The following ACER3 variants were observed in gnomAD, a reference collection of about 807,000 sequenced individuals.
The protein encoded by ACER3 is alkaline ceramidase 3, also known as alkCDase 3.
Under a neutral mutation model 48.9 loss-of-function variants are expected in ACER3, and 16 were observed. The observed-to-expected ratio is 0.33, with a 90% CI of 0.22 to 0.50. The LOEUF (loss-of-function observed/expected upper bound fraction) is 0.50. Among genes scored for constraint, ACER3 ranks in the 20% least tolerant of loss-of-function variants. The pLI is 0.98. For synonymous variants in ACER3, 109 were observed against 107.8 expected (o/e 1.01, Z -0.07); for missense variants, 227 against 326.0 (o/e 0.70, Z 2.34).
At chr11:77,004,012 G>A (rs1474203624) in intron 7 of ACER3, among the ~76,000 whole-genome samples, 1 of 152,136 alleles carries the variant, frequency 6.6e-6, no homozygotes, top group Non-Finnish European at 1.5e-5. Flanking sequence ...TTCCATGTTT[G>A]TTTGAAAAGA....
intron 3 of ACER3, 174 bp downstream of exon 3, chr11:76,959,205 G>T: frequency 6.7e-7 from 1 of 1,491,828 alleles, no homozygotes; most frequent in Non-Finnish European, 8.9e-7. Flanking sequence ...AAGCAGGTGA[G>T]TCCATAAGGA....
intron 1 of ACER3, among the ~76,000 whole-genome samples, chr11:76,915,033 A>G (rs1286607758): frequency 1.3e-5 from 2 of 151,972 alleles, no homozygotes; most frequent in Admixed American, 6.6e-5. Flanking sequence ...AACATCACAC[A>G]CCGGGGACTG....
intron 7 of ACER3, among the ~76,000 whole-genome samples, chr11:77,014,104 A>G (rs182699048): frequency 4.6e-5 from 7 of 152,348 alleles, no homozygotes; most frequent in African/African-American, 1.7e-4. Context: ...CAATTTAAAT[A>G]TATTTAATAG....
At chr11:76,861,144 G>C (rs945404626) in intron 1 of ACER3, 65 bp downstream of exon 1, 81 of 1,456,070 alleles carry the variant, frequency 5.6e-5, no homozygotes, top group Middle Eastern at 2.4e-4. Context: ...CGCCGTGTGA[G>C]GAAGGCAAAG....
chr11:76,992,103 T>G (rs1948817385), intron 6 of ACER3, among the ~76,000 whole-genome samples: 1 of 151,928 alleles, frequency 6.6e-6, no homozygotes, highest in Non-Finnish European at 1.5e-5. Context: ...TCCTAGTTAC[T>G]TGGGAAGCTG....
At chr11:76,993,115 C>T (rs1304871437) in intron 6 of ACER3, among the ~76,000 whole-genome samples, 4 of 152,186 alleles carry the variant, frequency 2.6e-5, no homozygotes, top group African/African-American at 9.6e-5. Flanking sequence ...GTCTGCTCAC[C>T]TCAGCCCCTG....
chr11:76,907,046 G>A (rs1946252676), intron 1 of ACER3, among the ~76,000 whole-genome samples: 1 of 152,062 alleles, frequency 6.6e-6, no homozygotes, highest in African/African-American at 2.4e-5. Flanking sequence ...GTGCAAAATA[G>A]ATACTTAATT....
chr11:76,909,777 C>T (rs1946322959), intron 1 of ACER3, among the ~76,000 whole-genome samples: 1 of 152,084 alleles, frequency 6.6e-6, no homozygotes, highest in Admixed American at 6.6e-5. Context: ...TGGGTATGTA[C>T]CCAAAGGATT....
intron 6 of ACER3, among the ~76,000 whole-genome samples, chr11:76,994,797 C>T (rs1948879820): frequency 6.6e-6 from 1 of 152,078 alleles, no homozygotes. Context: ...ATGGCTGGCC[C>T]TAGCTATAGG....
intron 2 of ACER3, 48 bp from the exon 3 acceptor site, chr11:76,958,931 A>C: frequency 6.3e-7 from 1 of 1,588,470 alleles, no homozygotes; most frequent in Non-Finnish European, 8.6e-7. Flanking sequence ...GTCACTGTCC[A>C]CGCACAAAGA....
At chr11:76,885,781 G>T (rs985954049) in intron 1 of ACER3, among the ~76,000 whole-genome samples, 1 of 152,128 alleles carries the variant, frequency 6.6e-6, no homozygotes, top group Non-Finnish European at 1.5e-5. Flanking sequence ...ATGGGCTCCG[G>T]ATTGTTTGGT....
intron 4 of ACER3, 77 bp from the exon 5 acceptor site, chr11:76,985,566 C>A: frequency 1.1e-6 from 1 of 874,446 alleles, no homozygotes; most frequent in Non-Finnish European, 1.7e-6. Flanking sequence ...GAGATATAGG[C>A]AAGTGGTAAA....
At chr11:77,005,985 ATATATATTTTT>A (rs1156876790) in intron 7 of ACER3, among the ~76,000 whole-genome samples, 1 of 39,278 alleles carries the variant, frequency 2.5e-5, no homozygotes, top group Non-Finnish European at 7.7e-5. Context: ...ATATATATAT[ATATATATTTTT>A]TTTTTTTTTT....
intron 1 of ACER3, among the ~76,000 whole-genome samples, chr11:76,901,100 C>T (rs984390859): frequency 1.3e-5 from 2 of 152,092 alleles, no homozygotes; most frequent in South Asian, 2.1e-4. Flanking sequence ...TCTTTCATAG[C>T]GTTGACAATG....
At chr11:76,901,886 A>G (rs1049795473) in intron 1 of ACER3, among the ~76,000 whole-genome samples, 9 of 151,942 alleles carry the variant, frequency 5.9e-5, no homozygotes, top group African/African-American at 1.7e-4. Context: ...TGTGGATTTC[A>G]TTTCTGCCTT....
Position 76,985,664 on chromosome 11 carries a change from G to T in ACER3, c.342G>T (p.Lys114Asn), listed in dbSNP as rs1948673099. Residue 114 changes from lysine (K) to asparagine (N), a missense_variant, in exon 5 of 11, where the codon AAG becomes AAT. By Grantham distance (94) the Lys-to-Asn change is moderately conservative. Around this residue, in one of 3 missense-constraint regions of ACER3, gnomAD observed 195 missense variants for 290.8 expected, o/e 0.67. Transcript: ENST00000532485. ...CAAGGTTTGAATGTTTCAAGATCAAGAACTCAGTAAACTACCATCTGCTTT... is the reference window on the plus strand; with the variant it reads ...CAAGGTTTGAATGTTTCAAGATCAATAACTCAGTAAACTACCATCTGCTTT... ...VYCMFECFKIKNSVNYHLLFT... is the reference protein window; with the variant it reads ...VYCMFECFKINNSVNYHLLFT... The T allele has an allele frequency of 6.4e-7, 1 of 1,569,812 alleles. No individual in the cohort carries two copies. Among genetic ancestry groups the T allele is most frequent in the Non-Finnish European group, 8.6e-7 (1 of 1,166,196 alleles).
Position 76,861,018 on chromosome 11 carries a change from G to C in ACER3, c.42G>C (p.Thr14=). Residue 14 remains threonine, a synonymous_variant, in exon 1 of 11, where the codon ACG becomes ACC. Coordinates refer to ENST00000532485, the MANE Select transcript of ACER3 (RefSeq NM_018367.7). ...ACCGAGAGGGCTACTGGGGCCCCAC[G>C]ACCTCCACGCTGGACTGGTGCGAGG... ...AADREGYWGP[T]TSTLDWCEEN... 1 of 1,547,222 alleles carries C rather than the reference G, an allele frequency of 6.5e-7. No individual in the cohort carries two copies.
At chr11:76,918,039 T>G (rs2134765250) in intron 1 of ACER3, among the ~76,000 whole-genome samples, 1 of 152,286 alleles carries the variant, frequency 6.6e-6, no homozygotes, top group Admixed American at 6.5e-5. Context: ...TTTGCCTTCT[T>G]TGTTCCTATC....
intron 2 of ACER3, among the ~76,000 whole-genome samples, chr11:76,948,213 G>GTGTA (rs760045345): frequency 0.12 from 1,890 of 15,150 alleles, 28 homozygotes; most frequent in African/African-American, 0.36. Context: ...GGCTCACTCT[G>GTGTA]TGTGTGTGTG....
Sources: allele counts gnomAD v4.1 joint callset (sites outside exome capture counted in the v4.1 genomes callset), GRCh38; gene constraint gnomAD v4.1.1; regional missense constraint gnomAD v4.1.1; transcripts MANE v1.5; gene names NCBI Gene and HGNC (gene_info 2026-07-23, HGNC 2026-07-21).